SMAP1: variants seen among roughly 807,000 people sequenced by gnomAD.
SMAP1 encodes the protein stromal membrane-associated protein 1.
A neutral mutation model predicts 58.5 loss-of-function variants in SMAP1; 24 were observed. The observed-to-expected ratio is 0.41, with a 90% CI of 0.30 to 0.58. SMAP1 has a LOEUF of 0.58. SMAP1 is among the 20% of genes least tolerant of loss of function. SMAP1 has a pLI of 0.29. For synonymous variants in SMAP1, 216 were observed against 196.6 expected (o/e 1.10, Z -0.82); for missense variants, 563 against 566.3 (o/e 0.99, Z 0.06).
At chr6:70,770,236 C>T (rs1767215079) in intron 3 of SMAP1, among the ~76,000 whole-genome samples, 2 of 151,552 alleles carry the variant, frequency 1.3e-5, no homozygotes, top group Non-Finnish European at 2.9e-5. Context: ...CTTGGAGTTG[C>T]TCTTCTCGAG....
At position 70,861,699 on chromosome 6, in the gene SMAP1, T is replaced by C. The variant is rs1771737036; in HGVS notation, c.*1365T>C. The C allele has an allele frequency of 6.2e-7, 1 of 1,614,146 alleles. No homozygotes were observed. On this transcript the variant is annotated 3_prime_UTR_variant, in exon 11 of 11. Transcript: ENST00000370455. ...TTTTCACTGTGTCCAGGTGGTACTTTGGCTCGTTGGCTAGATTAACCTTCT... is the reference window on the plus strand; with the variant it reads ...TTTTCACTGTGTCCAGGTGGTACTTCGGCTCGTTGGCTAGATTAACCTTCT...
At chr6:70,810,645 T>C (rs890939679) in intron 6 of SMAP1, among the ~76,000 whole-genome samples, 3 of 152,148 alleles carry the variant, frequency 2.0e-5, no homozygotes, top group African/African-American at 7.2e-5. Flanking sequence ...GGTGTGATCA[T>C]AGCTCACTGT....
At chr6:70,682,300 T>C (rs1002791325) in intron 1 of SMAP1, among the ~76,000 whole-genome samples, 1 of 150,320 alleles carries the variant, frequency 6.7e-6, no homozygotes, top group Non-Finnish European at 1.5e-5. Context: ...GCGATTCTCC[T>C]GCCTTGGCCT....
At chr6:70,847,949 A>AGTT (rs1771053734) in intron 7 of SMAP1, among the ~76,000 whole-genome samples, 1 of 152,064 alleles carries the variant, frequency 6.6e-6, no homozygotes, top group South Asian at 2.1e-4. Flanking sequence ...ACAAGGTATA[A>AGTT]CCCATGCTGA....
intron 6 of SMAP1, among the ~76,000 whole-genome samples, chr6:70,830,231 C>A (rs1770304509): frequency 6.6e-6 from 1 of 152,154 alleles, no homozygotes; most frequent in Admixed American, 6.5e-5. Context: ...TTTTCAATAG[C>A]AGCAGAATTT....
intron 3 of SMAP1, among the ~76,000 whole-genome samples, chr6:70,763,366 AACAAAAT>A (rs1766834899): frequency 6.6e-6 from 1 of 152,146 alleles, no homozygotes; most frequent in African/African-American, 2.4e-5. Flanking sequence ...CAAATGTTAT[AACAAAAT>A]TATAACATAA....
At chr6:70,692,802 G>T (rs1193235889) in intron 1 of SMAP1, among the ~76,000 whole-genome samples, 2 of 152,056 alleles carry the variant, frequency 1.3e-5, no homozygotes. Flanking sequence ...TGTTGTTTTT[G>T]AGATGGAGTC....
At chr6:70,797,858 C>A (rs1768671734) in intron 5 of SMAP1, among the ~76,000 whole-genome samples, 1 of 152,016 alleles carries the variant, frequency 6.6e-6, no homozygotes, top group Non-Finnish European at 1.5e-5. Context: ...AGTAGACTTT[C>A]AGTTCTCAGT....
chr6:70,830,936 A>G (rs1329791958), intron 6 of SMAP1, among the ~76,000 whole-genome samples: 1 of 152,220 alleles, frequency 6.6e-6, no homozygotes, highest in African/African-American at 2.4e-5. Context: ...TTCTTGATTA[A>G]TCTGGATTAT....
chr6:70,783,713 C>G (rs1175590007), intron 4 of SMAP1, among the ~76,000 whole-genome samples: 1 of 151,444 alleles, frequency 6.6e-6, no homozygotes, highest in Admixed American at 6.6e-5. Context: ...TGATGGAAGA[C>G]GAAATGAATG....
chr6:70,689,533 C>T (rs1221869710), intron 1 of SMAP1, among the ~76,000 whole-genome samples: 9 of 151,824 alleles, frequency 5.9e-5, no homozygotes, highest in African/African-American at 1.2e-4. Flanking sequence ...TTATTTTTTT[C>T]GAAGTTGTTA....
At chr6:70,710,415 C>T (rs1429582876) in intron 1 of SMAP1, among the ~76,000 whole-genome samples, 1 of 149,148 alleles carries the variant, frequency 6.7e-6, no homozygotes, top group Admixed American at 6.8e-5. Flanking sequence ...CGCTTGAACC[C>T]GAGATTGCGT....
chr6:70,789,070 CT>C (rs1258839046), intron 4 of SMAP1, among the ~76,000 whole-genome samples: 1 of 152,068 alleles, frequency 6.6e-6, no homozygotes, highest in African/African-American at 2.4e-5. Context: ...TCATTTACCC[CT>C]GTGTTCTGTA....
intron 1 of SMAP1, among the ~76,000 whole-genome samples, chr6:70,699,211 GCAGAGA>G (rs1335747138): frequency 4.6e-5 from 7 of 152,178 alleles, no homozygotes; most frequent in Non-Finnish European, 7.3e-5. Context: ...GGATTACCAG[GCAGAGA>G]CTCTTGTTTT....
chr6:70,738,582 G>A (rs900252667), intron 2 of SMAP1, among the ~76,000 whole-genome samples: 1 of 151,838 alleles, frequency 6.6e-6, no homozygotes, highest in Non-Finnish European at 1.5e-5. Context: ...GTATTGACTT[G>A]CTTGTCTTAA....
chr6:70,796,261 T>C (rs149065384), intron 5 of SMAP1, among the ~76,000 whole-genome samples: 2 of 152,316 alleles, frequency 1.3e-5, no homozygotes, highest in South Asian at 2.1e-4. Flanking sequence ...TAGCTGTTAC[T>C]GTAAGGAATA....
rs565993754 is a variant in SMAP1, at chr6:70,679,020, G to T, written c.118+10879G>T. Among the ~76,000 whole-genome samples the T allele has an allele frequency of 7.0e-4, 96 of 137,148 alleles. 1 individual carries two copies. The highest frequency in any genetic ancestry group is 1.3e-3 in the Admixed American group (18 of 13,720). The allele number at this position is 137,148 out of a possible 152,430, so 90.0% of individuals were successfully genotyped here. On this transcript the variant is annotated intron_variant, in intron 1 of 10. Coordinates refer to ENST00000370455, the MANE Select transcript of SMAP1 (RefSeq NM_001044305.3). The stretch of plus-strand genomic sequence containing the variant: ...ATTATATATGGAATCTAGATTTTTT[G>T]TTTTTTTTTTTTTGTTTTTTTGAGA...
intron 1 of SMAP1, among the ~76,000 whole-genome samples, chr6:70,719,162 G>T (rs1244015207): frequency 6.6e-6 from 1 of 152,126 alleles, no homozygotes; most frequent in Non-Finnish European, 1.5e-5. Flanking sequence ...TATGAAAAAT[G>T]ATTTGTAGTT....
chr6:70,809,628 A>T (rs1769300340), intron 6 of SMAP1, among the ~76,000 whole-genome samples: 1 of 152,214 alleles, frequency 6.6e-6, no homozygotes, highest in South Asian at 2.1e-4. Flanking sequence ...TTGTAATTTA[A>T]GCTAAATAAA....
Sources: allele counts gnomAD v4.1 joint callset (sites outside exome capture counted in the v4.1 genomes callset), GRCh38; gene constraint gnomAD v4.1.1; transcripts MANE v1.5; gene names NCBI Gene and HGNC (gene_info 2026-07-23, HGNC 2026-07-21).